DPH6: variants seen among roughly 807,000 people sequenced by gnomAD.
DPH6 encodes the protein diphthamine biosynthesis 6.
Under a neutral mutation model 38.2 loss-of-function variants are expected in DPH6, and 33 were observed. That is an observed-to-expected ratio of 0.86 (90% CI 0.65 to 1.15). The LOEUF is 1.15. Among genes scored for constraint, DPH6 ranks in the 50% most tolerant of loss-of-function variants. DPH6 has a pLI of 0.00. For synonymous variants in DPH6, 108 were observed against 103.0 expected, an observed-to-expected ratio of 1.05 and a Z score of -0.30; for missense variants, 325 against 320.0, an observed-to-expected ratio of 1.02 and a Z score of -0.12.
chr15:35,377,583 C>T (rs1391050958), intron 7 of DPH6, among the ~76,000 whole-genome samples: 1 of 151,974 alleles, frequency 6.6e-6, no homozygotes, highest in African/African-American at 2.4e-5. Flanking sequence ...TACAATTATC[C>T]TTTTCTCTTA....
At chr15:35,513,728 A>C (rs1326158771) in intron 3 of DPH6, among the ~76,000 whole-genome samples, 2 of 151,984 alleles carry the variant, frequency 1.3e-5, no homozygotes, top group East Asian at 3.9e-4. Context: ...GTTTTCTACA[A>C]AGTTGACAGA....
At chr15:35,450,860 TC>T (rs1258644616) in intron 4 of DPH6, 57 bp from the exon 5 acceptor site, 1 of 1,329,284 alleles carries the variant, frequency 7.5e-7, no homozygotes, top group African/African-American at 1.5e-5. Flanking sequence ...TATACTTGGA[TC>T]CACAGCAATT....
intron 3 of DPH6, among the ~76,000 whole-genome samples, chr15:35,305,810 T>C (rs192132258): frequency 3.2e-3 from 488 of 152,336 alleles, no homozygotes; most frequent in Non-Finnish European, 5.2e-3. Flanking sequence ...AAAATTAGCA[T>C]GACATAAATA....
At chr15:35,497,353 C>A (rs1040656185) in intron 3 of DPH6, among the ~76,000 whole-genome samples, 1 of 152,110 alleles carries the variant, frequency 6.6e-6, no homozygotes, top group African/African-American at 2.4e-5. Context: ...TCATATTGCT[C>A]AAGAATAAAT....
At chr15:35,191,531 G>C in the DPH6 span, among the ~76,000 whole-genome samples, 1 of 152,168 alleles carries the variant, frequency 6.6e-6, no homozygotes, top group Non-Finnish European at 1.5e-5. Context: ...AGGCAGAACA[G>C]GGATACGAAC....
chr15:35,196,981 A>G, the DPH6 span, among the ~76,000 whole-genome samples: 1 of 152,210 alleles, frequency 6.6e-6, no homozygotes, highest in Non-Finnish European at 1.5e-5. Context: ...ATGAACTTAT[A>G]GCTTAGTTAC....
chr15:35,145,125 G>A, the DPH6 span, among the ~76,000 whole-genome samples: 2 of 145,556 alleles, frequency 1.4e-5, no homozygotes, highest in South Asian at 2.2e-4. Context: ...CTGTTTTTCT[G>A]CAATATGTTC....
intron 3 of DPH6, among the ~76,000 whole-genome samples, chr15:35,252,069 C>T (rs2140410158): frequency 6.6e-6 from 1 of 152,294 alleles, no homozygotes; most frequent in East Asian, 1.9e-4. Flanking sequence ...TGCAGTGAGC[C>T]AAGCTCACGC....
At chr15:35,524,777 G>A (rs1485656796) in intron 3 of DPH6, among the ~76,000 whole-genome samples, 1 of 152,122 alleles carries the variant, frequency 6.6e-6, no homozygotes, top group African/African-American at 2.4e-5. Flanking sequence ...AAAACTGAAA[G>A]AAAATCACAT....
intron 5 of DPH6, among the ~76,000 whole-genome samples, chr15:35,425,973 T>C (rs987250490): frequency 6.6e-6 from 1 of 151,394 alleles, no homozygotes; most frequent in Non-Finnish European, 1.5e-5. Context: ...TTCCTTCCCC[T>C]GCTGTTATAA....
the DPH6 span, among the ~76,000 whole-genome samples, chr15:35,168,923 G>C: frequency 6.6e-6 from 1 of 151,942 alleles, no homozygotes; most frequent in East Asian, 1.9e-4. Flanking sequence ...AAATCTATTA[G>C]AGAATGTCCA....
intron 6 of DPH6, among the ~76,000 whole-genome samples, chr15:35,404,814 G>C (rs752207122): frequency 6.6e-6 from 1 of 152,026 alleles, no homozygotes; most frequent in Non-Finnish European, 1.5e-5. Context: ...CCGTGTCCTG[G>C]AGAAGTTCCC....
chr15:35,390,792 C>A (rs944952535), intron 6 of DPH6, among the ~76,000 whole-genome samples: 3 of 152,078 alleles, frequency 2.0e-5, no homozygotes, highest in African/African-American at 7.2e-5. Context: ...TTCGAACTTC[C>A]TCCTTTAGCT....
At position 35,426,508 on chromosome 15, in the gene DPH6, T is replaced by C. The variant is rs534848292; in HGVS notation, c.506-15612A>G. Among the ~76,000 whole-genome samples the C allele has an allele frequency of 2.0e-4, 30 of 151,896 alleles. No individual in the cohort carries two copies. In the South Asian group the frequency reaches 6.0e-3, roughly 30 times the overall value. The stretch of plus-strand genomic sequence containing the variant: ...CGATGTGTAGAAGCATTAATTAACA[T>C]ACCTTATCTTGGCTTATTGGGGCAG... On this transcript the variant is annotated intron_variant, in intron 5 of 8. Transcript: ENST00000256538.
intron 3 of DPH6, among the ~76,000 whole-genome samples, chr15:35,534,327 A>G (rs934595296): frequency 6.6e-6 from 1 of 151,330 alleles, no homozygotes; most frequent in Admixed American, 6.6e-5. Context: ...TGGTGAGCCA[A>G]GATTGTGCCA....
intron 3 of DPH6, among the ~76,000 whole-genome samples, chr15:35,486,748 T>TC (rs1238631142): frequency 6.6e-6 from 1 of 151,944 alleles, no homozygotes; most frequent in East Asian, 1.9e-4. Context: ...TTCCAACAGT[T>TC]CCCCAAAGTC....
intron 3 of DPH6, among the ~76,000 whole-genome samples, chr15:35,335,680 G>C (rs981274743): frequency 2.0e-5 from 3 of 151,240 alleles, no homozygotes; most frequent in African/African-American, 7.3e-5. Flanking sequence ...TTTTGTCAAA[G>C]ATCAGATGAT....
chr15:35,357,504 T>C lies in DPH6; in HGVS notation n.207+16017A>G, dbSNP rs1423180342. Reference sequence around the variant, plus strand: ...TCTGTGTGATTTAGCATTAAAGAGGTTCTGTCTTGTTGTGTTTTCAGGATT... The same window carrying C: ...TCTGTGTGATTTAGCATTAAAGAGGCTCTGTCTTGTTGTGTTTTCAGGATT... On this transcript the variant is annotated intron_variant and non_coding_transcript_variant, in intron 3 of 3. Coordinates refer to the DPH6 transcript ENST00000558973. Among the ~76,000 whole-genome samples, 9 of 152,326 alleles carry C rather than the reference T, an allele frequency of 5.9e-5. No individual in the cohort carries two copies. In the East Asian group the frequency reaches 1.7e-3, roughly 29 times the overall value.
the DPH6 span, among the ~76,000 whole-genome samples, chr15:35,206,881 A>T: frequency 1.3e-5 from 2 of 152,084 alleles, no homozygotes; most frequent in African/African-American, 4.8e-5. Flanking sequence ...ATGGACTACA[A>T]CCCATAAGCC....
Sources: gnomAD v4.1 joint callset for allele counts (sites outside exome capture counted in the v4.1 genomes callset) on GRCh38, gnomAD v4.1.1 for gene constraint, MANE v1.5 for transcripts, NCBI Gene and HGNC (gene_info 2026-07-23, HGNC 2026-07-21) for gene names.